The following DYNAP variants were observed in gnomAD, a reference collection of about 807,000 sequenced individuals.
DYNAP encodes the protein dynactin associated protein, also known as dynactin-associated protein.
DYNAP carries 7 observed loss-of-function variants against 8.5 expected under a neutral mutation model. The ratio of observed to expected loss-of-function variants is 0.82; its 90% CI spans 0.47 to 1.54. The LOEUF (loss-of-function observed/expected upper bound fraction) is 1.54, where lower values mean the gene tolerates loss of function less well. Among genes scored for constraint, DYNAP ranks in the 40% most tolerant of loss-of-function variants. The pLI, the probability that DYNAP is intolerant of heterozygous loss-of-function variation, is 0.01. For missense variants in DYNAP, 256 were observed against 224.3 expected (o/e 1.14, Z -0.90); for synonymous variants, 77 against 77.9 (o/e 0.99, Z 0.06).
chr18:54,592,148 A>G (rs931447940), intron 1 of DYNAP, among the ~76,000 whole-genome samples: 2 of 152,120 alleles, frequency 1.3e-5, no homozygotes, highest in East Asian at 1.9e-4. Flanking sequence ...CAAGAATCCT[A>G]TAGAGGATTT....
At chr18:54,594,348 A>G (rs1351889188) in intron 1 of DYNAP, among the ~76,000 whole-genome samples, 1 of 152,138 alleles carries the variant, frequency 6.6e-6, no homozygotes, top group Non-Finnish European at 1.5e-5. Flanking sequence ...AATTATGTAA[A>G]GCAGTCACTT....
At chr18:54,591,406 A>G in intron 1 of DYNAP, 67 bp downstream of exon 1, 1 of 1,526,934 alleles carries the variant, frequency 6.5e-7, no homozygotes, top group Non-Finnish European at 8.8e-7. Context: ...ATTTAAAAGC[A>G]GTTTAATCTC....
intron 2 of DYNAP, among the ~76,000 whole-genome samples, chr18:54,596,967 TG>T (rs1911319092): frequency 1.3e-5 from 2 of 152,074 alleles, no homozygotes; most frequent in African/African-American, 4.8e-5. Context: ...ACAAATACCA[TG>T]GCACATATTT....
chr18:54,586,494 G>T (rs1050394718), upstream of DYNAP, among the ~76,000 whole-genome samples: 1 of 152,110 alleles, frequency 6.6e-6, no homozygotes, highest in Non-Finnish European at 1.5e-5. Context: ...CACCACCCTG[G>T]CCATGCTTCC....
intron 1 of DYNAP, among the ~76,000 whole-genome samples, chr18:54,594,127 C>A (rs143091396): frequency 1.3e-5 from 2 of 152,048 alleles, no homozygotes; most frequent in East Asian, 3.9e-4. Context: ...ACAATTATTG[C>A]ATTTATTTGT....
the DYNAP span, among the ~76,000 whole-genome samples, chr18:54,575,818 C>T: frequency 1.1e-3 from 170 of 152,130 alleles, 2 homozygotes; most frequent in African/African-American, 3.1e-3. Flanking sequence ...CACACACACA[C>T]GCACACATGC....
In DYNAP at chr18:54,597,877, G is replaced by A; in HGVS notation, c.287G>A (p.Cys96Tyr). 6.2e-7 allele frequency: 1 copy of A among 1,613,582 alleles called. No homozygotes were observed. The highest frequency in any genetic ancestry group is 8.5e-7 in the Non-Finnish European group (1 of 1,179,726). ...GTCTTCCTGGCTTGTCTCTTAGCCT[G>A]TGTGATAATGACAGCAATTGGAGTA... ...WKVFLACLLA[C>Y]VIMTAIGVLI... Residue 96 changes from cysteine to tyrosine, a missense_variant, in exon 3 of 3, where the codon TGT (cysteine) becomes TAT (tyrosine). Transcript: ENST00000648945.
At chr18:54,580,169 C>A in the DYNAP span, among the ~76,000 whole-genome samples, 2 of 152,158 alleles carry the variant, frequency 1.3e-5, no homozygotes, top group African/African-American at 4.8e-5. Context: ...AGCTCTCTAC[C>A]TATTCAAATT....
At chr18:54,581,553 G>A in the DYNAP span, among the ~76,000 whole-genome samples, 3 of 152,310 alleles carry the variant, frequency 2.0e-5, no homozygotes, top group Admixed American at 2.0e-4. Flanking sequence ...GTAAACCAAC[G>A]AAAGCATTCT....
In DYNAP at chr18:54,598,035, A is replaced by G. The variant is rs759937945; in HGVS notation, c.445A>G (p.Thr149Ala). 5 of 1,613,364 alleles carry G rather than the reference A, an allele frequency of 3.1e-6. No individual in the cohort carries two copies. The South Asian group carries it at 3.3e-5, about 11-fold the overall frequency. ...PSPACPPTMT[T>A]TSTVPASTAT... is the part of the protein sequence containing the mutation. ...TCCTGCTTGTCCACCTACAATGACC[A>G]CCACTTCAACTGTACCTGCAAGTAC... The change falls in exon 3 of 3, where the codon ACC becomes GCC. Residue 149 changes from threonine to alanine, a missense_variant. Coordinates refer to ENST00000648945, the MANE Select transcript of DYNAP (RefSeq NM_173629.3).
rs1015772168 is a variant in DYNAP at position 54,599,451 on chromosome 18, G to A, written c.*1306G>A. The A allele has an allele frequency of 6.6e-6, 1 of 152,008 alleles. No homozygotes were observed. The highest frequency in any genetic ancestry group is 2.4e-5 in the African/African-American group (1 of 41,406). 9.4% of individuals were successfully genotyped at this position (152,008 alleles called of 1,614,324 possible). The stretch of plus-strand genomic sequence containing the variant: ...TGTACAATATGTGAGTCTAATTCTT[G>A]CTAACATAACATTATTGCCTACATT... On this transcript the variant is annotated 3_prime_UTR_variant, in exon 3 of 3. Transcript: ENST00000648945.
At chr18:54,585,877 G>A (rs1382597417), upstream of DYNAP, among the ~76,000 whole-genome samples, 1 of 152,118 alleles carries the variant, frequency 6.6e-6, no homozygotes, top group Non-Finnish European at 1.5e-5. Context: ...GATGAAAGGA[G>A]CCAAGTCCTA....
intron 2 of DYNAP, among the ~76,000 whole-genome samples, chr18:54,596,069 T>G (rs778511771): frequency 6.6e-6 from 1 of 151,896 alleles, no homozygotes; most frequent in South Asian, 2.1e-4. Flanking sequence ...TTATTTTTAT[T>G]TTTTATTTTT....
At chr18:54,588,841 G>A (rs1599446597), upstream of DYNAP, among the ~76,000 whole-genome samples, 1 of 152,146 alleles carries the variant, frequency 6.6e-6, no homozygotes, top group African/African-American at 2.4e-5. Context: ...TTAATGATTG[G>A]TTCAAATTTC....
chr18:54,585,459 G>T (rs908169251), upstream of DYNAP, among the ~76,000 whole-genome samples: 2 of 151,772 alleles, frequency 1.3e-5, no homozygotes, highest in African/African-American at 4.8e-5. Flanking sequence ...CTTTCCCCCA[G>T]TGCCTTGCCT....
chr18:54,591,063 G>A (rs1911050198), upstream of DYNAP: 1 of 763,690 alleles, frequency 1.3e-6, no homozygotes, highest in South Asian at 3.0e-5. Context: ...AGGAAGTACT[G>A]GTTTTCTTGC....
At chr18:54,587,721 T>C (rs1301877047), upstream of DYNAP, 1 of 395,360 alleles carries the variant, frequency 2.5e-6, no homozygotes, top group African/African-American at 2.1e-5. Context: ...ATCCATATTC[T>C]GAAGAAAAAA....
intron 1 of DYNAP, among the ~76,000 whole-genome samples, chr18:54,593,774 C>A (rs1322829596): frequency 3.3e-5 from 5 of 151,868 alleles, no homozygotes; most frequent in Non-Finnish European, 7.4e-5. Flanking sequence ...AAAATAACAT[C>A]AAAAATAATT....
At chr18:54,594,807 T>G (rs549675682) in intron 1 of DYNAP, 132 bp from the exon 2 acceptor site, 1 of 977,372 alleles carries the variant, frequency 1.0e-6, no homozygotes, top group South Asian at 2.1e-5. Context: ...TTTTTTATCT[T>G]CAGGGGATAA....
Sources: gnomAD v4.1 joint callset for allele counts (sites outside exome capture counted in the v4.1 genomes callset) on GRCh38, gnomAD v4.1.1 for gene constraint, MANE v1.5 for transcripts, NCBI Gene and HGNC (gene_info 2026-07-23, HGNC 2026-07-21) for gene names.